PCDH9: variants seen among roughly 807,000 people sequenced by gnomAD.
PCDH9 encodes the protein protocadherin 9.
A neutral mutation model predicts 70.6 loss-of-function variants in PCDH9; 24 were observed. That is an observed-to-expected ratio of 0.34 (90% CI 0.25 to 0.48). The LOEUF is 0.48. PCDH9 is among the 20% of genes least tolerant of loss of function. The probability of loss-of-function intolerance (pLI) is 0.99; values close to 1 mark genes in which losing one functional copy is unlikely to be tolerated. For synonymous variants in PCDH9, 562 were observed against 558.5 expected, an observed-to-expected ratio of 1.01 and a Z score of -0.09; for missense variants, 1,281 against 1,503.6, an observed-to-expected ratio of 0.85 and a Z score of 2.45.
At position 67,089,613 on chromosome 13, in the gene PCDH9, T is replaced by C. The variant is rs566049207; in HGVS notation, c.3036+135792A>G. ...TTTTTAAATAAAAATTCATCATACT[T>C]GGACAAAAAATGAGCTCCAGAAATG... On this transcript the variant is annotated intron_variant, in intron 2 of 4. Coordinates refer to ENST00000377865, the MANE Select transcript of PCDH9 (RefSeq NM_203487.3). Among the ~76,000 whole-genome samples the C allele has an allele frequency of 7.9e-5, 12 of 152,158 alleles. 1 individual carries two copies. The East Asian group carries it at 2.3e-3, about 29-fold the overall frequency.
rs34813503 is a variant in PCDH9, at chr13:67,213,206, C to CAAAAAAAAAAAAAAAAAAAAAAAAA, written c.3036+12174_3036+12198dup. The CAAAAAAAAAAAAAAAAAAAAAAAAA allele has an allele frequency of 3.4e-4, 7 of 20,544 alleles. 1 individual carries two copies. The highest frequency in any genetic ancestry group is 5.1e-4 in the African/African-American group (3 of 5,886). The allele number at this position is 20,544 out of a possible 1,614,324, so 1.3% of individuals were successfully genotyped here. The stretch of plus-strand genomic sequence containing the variant: ...AGCCTGGACGACAGAGACTCCGTCA[C>CAAAAAAAAAAAAAAAAAAAAAAAAA]AAAAAAAAAAAAAAAAAAAAAAAAA... On this transcript the variant is annotated intron_variant, in intron 2 of 4. Coordinates refer to ENST00000377865, the MANE Select transcript of PCDH9 (RefSeq NM_203487.3).
chr13:66,473,798 A>G (rs1244575276), intron 4 of PCDH9, among the ~76,000 whole-genome samples: 15 of 152,174 alleles, frequency 9.9e-5, no homozygotes. Flanking sequence ...TTCTTTCATA[A>G]TGCTACAAAG....
intron 3 of PCDH9, among the ~76,000 whole-genome samples, chr13:66,807,252 C>T (rs2139352934): frequency 6.6e-6 from 1 of 152,222 alleles, no homozygotes; most frequent in East Asian, 1.9e-4. Flanking sequence ...TTTCCTTCAC[C>T]TAAAACATAC....
intron 2 of PCDH9, among the ~76,000 whole-genome samples, chr13:67,074,850 T>C (rs766126468): frequency 1.8e-4 from 27 of 152,124 alleles, no homozygotes; most frequent in Non-Finnish European, 2.9e-4. Context: ...AAAGAAATTT[T>C]TTAATAGATT....
At chr13:67,071,272 C>T (rs1418869665) in intron 2 of PCDH9, among the ~76,000 whole-genome samples, 1 of 152,086 alleles carries the variant, frequency 6.6e-6, no homozygotes, top group Non-Finnish European at 1.5e-5. Context: ...ATGTTCAACA[C>T]TATTTAAATC....
intron 2 of PCDH9, chr13:67,203,267 C>G (rs1593613527): frequency 6.6e-6 from 1 of 152,142 alleles, no homozygotes; most frequent in South Asian, 2.1e-4. Flanking sequence ...AGCTTAAAGA[C>G]AATCATTTAA....
intron 3 of PCDH9, among the ~76,000 whole-genome samples, chr13:66,651,097 T>A: frequency 6.7e-6 from 1 of 149,972 alleles, no homozygotes; most frequent in African/African-American, 2.5e-5. Context: ...AAACTTCAAG[T>A]AAACAACCTA....
At chr13:66,306,006 T>C (rs975462872) in intron 4 of PCDH9, among the ~76,000 whole-genome samples, 14 of 152,132 alleles carry the variant, frequency 9.2e-5, no homozygotes, top group African/African-American at 3.1e-4. Context: ...TTGTTGCTGT[T>C]GTCTTACCCC....
intron 2 of PCDH9, among the ~76,000 whole-genome samples, chr13:67,119,572 T>A (rs2086839796): frequency 6.6e-6 from 1 of 152,054 alleles, no homozygotes; most frequent in African/African-American, 2.4e-5. Context: ...CAAGTGGAGA[T>A]GGAAAAGCTG....
chr13:66,804,176 C>T (rs1311949581), intron 3 of PCDH9, among the ~76,000 whole-genome samples: 2 of 152,200 alleles, frequency 1.3e-5, no homozygotes, highest in Admixed American at 1.3e-4. Context: ...TGCTCTTCCC[C>T]TAGCAGGATG....
intron 3 of PCDH9, among the ~76,000 whole-genome samples, chr13:66,780,465 A>G (rs932488506): frequency 9.2e-5 from 14 of 152,166 alleles, no homozygotes; most frequent in Non-Finnish European, 1.8e-4. Context: ...TCTTTAAGCA[A>G]CCAGAAGCTA....
chr13:66,627,987 T>G (rs1178749336), intron 4 of PCDH9, among the ~76,000 whole-genome samples: 1 of 152,238 alleles, frequency 6.6e-6, no homozygotes, highest in Non-Finnish European at 1.5e-5. Context: ...TTAAGCATAC[T>G]TTAAAAGCTA....
chr13:66,391,347 T>C (rs1470111156), intron 4 of PCDH9, among the ~76,000 whole-genome samples: 1 of 152,206 alleles, frequency 6.6e-6, no homozygotes, highest in African/African-American at 2.4e-5. Context: ...ATGTTCCTAA[T>C]GAAAGTTGCA....
chr13:66,672,906 T>A (rs932477555), intron 3 of PCDH9, among the ~76,000 whole-genome samples: 16 of 152,208 alleles, frequency 1.1e-4, no homozygotes, highest in African/African-American at 3.6e-4. Context: ...TAGGAAGTAT[T>A]ACTAACTTTC....
chr13:66,602,445 T>A (rs1593761024), intron 4 of PCDH9, among the ~76,000 whole-genome samples: 1 of 145,406 alleles, frequency 6.9e-6, no homozygotes, highest in Non-Finnish European at 1.5e-5. Flanking sequence ...TGACCGTGCA[T>A]AGGCCTAGAT....
At chr13:66,829,746 A>AAAAAAAAAT (rs2080892394) in intron 3 of PCDH9, among the ~76,000 whole-genome samples, 2 of 147,152 alleles carry the variant, frequency 1.4e-5, no homozygotes, top group African/African-American at 2.5e-5. Context: ...AAAAAAAAAA[A>AAAAAAAAAT]TTTCATTTAG....
At position 67,091,306 on chromosome 13, in the gene PCDH9, A is replaced by G. The variant is rs545462171; in HGVS notation, c.3036+134099T>C. 1.7e-4 allele frequency among the ~76,000 whole-genome samples: 26 copies of G among 152,300 alleles called. No individual in the cohort carries two copies. In the South Asian group the frequency reaches 5.4e-3, roughly 32 times the overall value. On this transcript the variant is annotated intron_variant, in intron 2 of 4. Transcript: ENST00000377865. ...TCAAAATAAAATCTATGTTTTATCTACACAAAACACTTCATGAAAAATGCA... is the reference window on the plus strand; with the variant it reads ...TCAAAATAAAATCTATGTTTTATCTGCACAAAACACTTCATGAAAAATGCA...
At chr13:67,154,111 AC>A (rs931350141) in intron 2 of PCDH9, among the ~76,000 whole-genome samples, 1 of 152,212 alleles carries the variant, frequency 6.6e-6, no homozygotes, top group Non-Finnish European at 1.5e-5. Context: ...AAGACAAAAA[AC>A]AGTACATGTA....
intron 4 of PCDH9, among the ~76,000 whole-genome samples, chr13:66,500,498 T>C (rs1439376803): frequency 6.6e-6 from 1 of 152,090 alleles, no homozygotes; most frequent in Non-Finnish European, 1.5e-5. Flanking sequence ...GATAAGTTTT[T>C]TTGTTTGTTT....
Sources: gnomAD v4.1 joint callset for allele counts (sites outside exome capture counted in the v4.1 genomes callset) on GRCh38, gnomAD v4.1.1 for gene constraint, MANE v1.5 for transcripts, NCBI Gene and HGNC (gene_info 2026-07-23, HGNC 2026-07-21) for gene names.